SPIN1: variants seen among roughly 807,000 people sequenced by gnomAD.
SPIN1 encodes the protein spindlin 1.
A neutral mutation model predicts 26.0 loss-of-function variants in SPIN1; 3 were observed. The observed-to-expected ratio is 0.12, with a 90% confidence interval of 0.05 to 0.30. The LOEUF (loss-of-function observed/expected upper bound fraction) is 0.30, where lower values mean the gene tolerates loss of function less well. Among genes scored for constraint, SPIN1 ranks in the 10% least tolerant of loss-of-function variants. The pLI is 1.00. For synonymous variants in SPIN1, 101 were observed against 116.5 expected, an observed-to-expected ratio of 0.87 and a Z score of 0.86; for missense variants, 126 against 333.4, an observed-to-expected ratio of 0.38 and a Z score of 4.84.
chr9:88,418,916 C>T (rs1472003524), intron 1 of SPIN1: 1 of 152,094 alleles, frequency 6.6e-6, no homozygotes, highest in Non-Finnish European at 1.5e-5. Flanking sequence ...GAGTGCATGA[C>T]ACATAGCGAG....
At chr9:88,392,230 A>C (rs1170484286) in intron 1 of SPIN1, among the ~76,000 whole-genome samples, 3 of 152,130 alleles carry the variant, frequency 2.0e-5, no homozygotes, top group Non-Finnish European at 4.4e-5. Flanking sequence ...GTTGTGCATC[A>C]GTATTCAGTC....
intron 1 of SPIN1, among the ~76,000 whole-genome samples, chr9:88,416,054 C>G (rs772497604): frequency 6.6e-6 from 1 of 152,070 alleles, no homozygotes; most frequent in Non-Finnish European, 1.5e-5. Flanking sequence ...CCACGCCTAG[C>G]CCAAGAACGT....
At chr9:88,458,658 C>G (rs1828521037) in intron 3 of SPIN1, among the ~76,000 whole-genome samples, 1 of 152,058 alleles carries the variant, frequency 6.6e-6, no homozygotes, top group Non-Finnish European at 1.5e-5. Flanking sequence ...TAGAAAATTT[C>G]ATGCCTCTAG....
chr9:88,474,067 A>G (rs761534799), intron 5 of SPIN1, among the ~76,000 whole-genome samples: 5 of 152,146 alleles, frequency 3.3e-5, no homozygotes, highest in Non-Finnish European at 7.3e-5. Flanking sequence ...ACTACTATTA[A>G]TACATGTACA....
At chr9:88,419,206 T>G (rs1401449259) in intron 1 of SPIN1, among the ~76,000 whole-genome samples, 1 of 152,188 alleles carries the variant, frequency 6.6e-6, no homozygotes, top group African/African-American at 2.4e-5. Flanking sequence ...TGCTCCACCC[T>G]GGCTCATTCT....
chr9:88,429,019 G>A (rs1353728147), intron 2 of SPIN1, among the ~76,000 whole-genome samples: 1 of 152,092 alleles, frequency 6.6e-6, no homozygotes, highest in East Asian at 1.9e-4. Context: ...GACCACAGGT[G>A]TGTGCCATCA....
At chr9:88,447,998 T>C (rs917398211) in intron 2 of SPIN1, among the ~76,000 whole-genome samples, 2 of 152,130 alleles carry the variant, frequency 1.3e-5, no homozygotes, top group African/African-American at 4.8e-5. Context: ...GACAGTTCTG[T>C]ACCATTTAGG....
chr9:88,411,137 A>G (rs1293579350), intron 1 of SPIN1: 3 of 1,500,606 alleles, frequency 2.0e-6, no homozygotes, highest in Non-Finnish European at 9.2e-7. Context: ...AATGCCACCA[A>G]CAAATATCTT....
At chr9:88,456,823 G>A (rs556111740) in intron 3 of SPIN1, among the ~76,000 whole-genome samples, 1 of 152,278 alleles carries the variant, frequency 6.6e-6, no homozygotes, top group East Asian at 1.9e-4. Context: ...CCATGTATGT[G>A]TAGAAAACAG....
At chr9:88,392,215 C>T (rs1826938912) in intron 1 of SPIN1, among the ~76,000 whole-genome samples, 2 of 151,990 alleles carry the variant, frequency 1.3e-5, no homozygotes, top group Admixed American at 1.3e-4. Flanking sequence ...TAAACAGTTT[C>T]CTTAGTTGTG....
At chr9:88,448,084 C>T (rs893477083) in intron 2 of SPIN1, among the ~76,000 whole-genome samples, 1 of 149,750 alleles carries the variant, frequency 6.7e-6, no homozygotes, top group Middle Eastern at 3.2e-3. Context: ...CACTCTGTTG[C>T]CCAGGCTGGA....
chr9:88,388,664 C>T (rs1261444504), intron 1 of SPIN1, 126 bp downstream of exon 1: 2 of 147,780 alleles, frequency 1.4e-5, no homozygotes, highest in Non-Finnish European at 3.0e-5. Context: ...GAGCATTGTC[C>T]AGCGGGCGGC....
intron 2 of SPIN1, among the ~76,000 whole-genome samples, chr9:88,445,688 G>A (rs1447149415): frequency 6.6e-6 from 1 of 151,370 alleles, no homozygotes; most frequent in African/African-American, 2.4e-5. Context: ...CCACCACTAT[G>A]CCCAGCTTTT....
At chr9:88,436,825 C>T (rs1329922637) in intron 2 of SPIN1, among the ~76,000 whole-genome samples, 2 of 129,638 alleles carry the variant, frequency 1.5e-5, no homozygotes, top group African/African-American at 2.7e-5. Flanking sequence ...AGTGCAGTGG[C>T]GGGATCTCGG....
intron 4 of SPIN1, 119 bp from the exon 5 acceptor site, chr9:88,468,253 T>C (rs969036218): frequency 3.2e-6 from 2 of 616,460 alleles, no homozygotes; most frequent in East Asian, 6.3e-5. Context: ...ATTCTGATGC[T>C]TGCTAATACG....
At chr9:88,405,585 C>T (rs1354644798) in intron 1 of SPIN1, among the ~76,000 whole-genome samples, 1 of 143,834 alleles carries the variant, frequency 7.0e-6, no homozygotes, top group East Asian at 2.0e-4. Context: ...CTCTCGTTAC[C>T]CAGGCTGGAG....
At chr9:88,438,407 C>G (rs1017668687) in intron 2 of SPIN1, among the ~76,000 whole-genome samples, 2 of 152,142 alleles carry the variant, frequency 1.3e-5, no homozygotes, top group Non-Finnish European at 2.9e-5. Context: ...TGTTGTATGA[C>G]AGCATACACT....
intron 2 of SPIN1, among the ~76,000 whole-genome samples, chr9:88,428,720 T>TTATGGCA (rs1156303129): frequency 6.6e-6 from 1 of 152,220 alleles, no homozygotes. Flanking sequence ...TTTGATTTTT[T>TTATGGCA]TATGGCATAT....
intron 2 of SPIN1, among the ~76,000 whole-genome samples, chr9:88,438,998 T>G (rs1277097603): frequency 6.6e-6 from 1 of 152,108 alleles, no homozygotes; most frequent in Non-Finnish European, 1.5e-5. Context: ...AACCATCCAG[T>G]AGAATGCTTG....
Sources: allele counts gnomAD v4.1 joint callset (sites outside exome capture counted in the v4.1 genomes callset), GRCh38; gene constraint gnomAD v4.1.1; transcripts MANE v1.5; gene names NCBI Gene and HGNC (gene_info 2026-07-23, HGNC 2026-07-21).